The following SPATA13 variants were observed in gnomAD, a reference collection of about 807,000 sequenced individuals.
SPATA13 encodes spermatogenesis-associated protein 13.
A neutral mutation model predicts 104.0 loss-of-function variants in SPATA13; 50 were observed. That is an observed-to-expected ratio of 0.48 (90% confidence interval 0.38 to 0.61). The LOEUF is 0.61. Among genes scored for constraint, SPATA13 ranks in the 20% least tolerant of loss-of-function variants. SPATA13 has a pLI of 0.00. For missense variants in SPATA13, 1,524 were observed against 1,690.6 expected, an observed-to-expected ratio of 0.90 and a Z score of 1.73; for synonymous variants, 606 against 667.5, an observed-to-expected ratio of 0.91 and a Z score of 1.42.
Position 24,249,714 on chromosome 13 carries a change from C to T in SPATA13, c.1891C>T (p.Pro631Ser), listed in dbSNP as rs1252362231. 1.2e-6 allele frequency: 2 copies of T among 1,613,720 alleles called. No individual in the cohort carries two copies. Among genetic ancestry groups the T allele is most frequent in the Non-Finnish European group, 8.5e-7 (1 of 1,179,858 alleles). Residue 631 changes from proline (P) to serine (S), a missense_variant, in exon 3 of 13, where the codon CCT becomes TCT. By Grantham distance (74) the Pro-to-Ser change is moderately conservative. Coordinates refer to ENST00000382108, the MANE Select transcript of SPATA13 (RefSeq NM_001166271.3). ...CCAGGCAAGCATGACTTCTGCCAGC[C>T]CTGAAGACCAGAATGCTCCAGTGGG... is the stretch of plus-strand genomic sequence containing the variant. ...DPQASMTSAS[P>S]EDQNAPVGCP...
intron 1 of SPATA13, among the ~76,000 whole-genome samples, chr13:24,163,290 T>C (rs1882586777): frequency 6.6e-6 from 1 of 152,130 alleles, no homozygotes; most frequent in Admixed American, 6.5e-5. Context: ...TAGTCCAAGG[T>C]GCTCAGGAGG....
chr13:24,116,701 C>G (rs191661631), intron 3 of SPATA13, among the ~76,000 whole-genome samples: 4 of 152,044 alleles, frequency 2.6e-5, no homozygotes, highest in Admixed American at 2.0e-4. Flanking sequence ...ATCTCTGCAG[C>G]ATTAGGGGTT....
At chr13:24,264,362 G>C (rs1874196977) in intron 4 of SPATA13, among the ~76,000 whole-genome samples, 1 of 152,192 alleles carries the variant, frequency 6.6e-6, no homozygotes. Context: ...AGAGCCAGTA[G>C]CACTCTGTAC....
intron 2 of SPATA13, among the ~76,000 whole-genome samples, chr13:24,232,093 G>C (rs1362339609): frequency 6.6e-6 from 1 of 152,216 alleles, no homozygotes; most frequent in Admixed American, 6.5e-5. Flanking sequence ...GTGTGATTAA[G>C]GCCAAGTACC....
intron 2 of SPATA13, among the ~76,000 whole-genome samples, chr13:24,235,275 G>C (rs1233161920): frequency 6.6e-6 from 1 of 152,174 alleles, no homozygotes; most frequent in African/African-American, 2.4e-5. Context: ...CAGAAATTTG[G>C]ACTATCAGCA....
At chr13:24,101,156 C>G (rs1017557534) in intron 3 of SPATA13, among the ~76,000 whole-genome samples, 1 of 152,196 alleles carries the variant, frequency 6.6e-6, no homozygotes, top group South Asian at 2.1e-4. Flanking sequence ...CCTGATGGCC[C>G]TGGCCCCTGT....
At chr13:24,192,589 A>G (rs1039196898) in intron 1 of SPATA13, among the ~76,000 whole-genome samples, 2 of 152,152 alleles carry the variant, frequency 1.3e-5, no homozygotes, top group Admixed American at 1.3e-4. Flanking sequence ...CTGTTAGTAC[A>G]TATTTAATGT....
rs978079299 is a variant in SPATA13 at position 24,147,682 on chromosome 13, T to C, written c.-111-75137T>C. Among the ~76,000 whole-genome samples, 4 of 152,330 alleles carry C rather than the reference T, an allele frequency of 2.6e-5. No individual in the cohort carries two copies. The South Asian group carries it at 6.2e-4, about 24-fold the overall frequency. ...AGTCTATTAAGTACATTTATATTGC[T>C]GTGCAACCAACACCACCATCCATCT... is the stretch of plus-strand genomic sequence containing the variant. On this transcript the variant is annotated intron_variant, in intron 3 of 14. Transcript: ENST00000424834.
At chr13:24,174,565 CTTTAT>C (rs527640706) in intron 1 of SPATA13, among the ~76,000 whole-genome samples, 410 of 151,874 alleles carry the variant, frequency 2.7e-3, no homozygotes, top group Non-Finnish European at 4.8e-3. Flanking sequence ...AAAAATTTCC[CTTTAT>C]TTTATTTTTT....
intron 3 of SPATA13, among the ~76,000 whole-genome samples, chr13:24,250,298 A>T (rs1294046775): frequency 6.7e-6 from 1 of 149,904 alleles, no homozygotes; most frequent in Non-Finnish European, 1.5e-5. Context: ...CCATTTTCTT[A>T]TTTTTTTTTT....
intron 1 of SPATA13, among the ~76,000 whole-genome samples, chr13:24,217,139 A>G (rs375385282): frequency 2.0e-5 from 3 of 152,336 alleles, no homozygotes; most frequent in South Asian, 2.1e-4. Context: ...TGTACCTGTT[A>G]TCCCAGCTAC....
intron 1 of SPATA13, among the ~76,000 whole-genome samples, chr13:24,162,185 C>G (rs1264889701): frequency 1.3e-5 from 2 of 152,236 alleles, no homozygotes; most frequent in Admixed American, 1.3e-4. Flanking sequence ...CCACGTTTGC[C>G]ATCTGCCTCC....
chr13:24,281,694 C>T (rs1303889232), intron 4 of SPATA13, among the ~76,000 whole-genome samples: 6 of 151,396 alleles, frequency 4.0e-5, no homozygotes, highest in Non-Finnish European at 8.9e-5. Context: ...AGCCAGAGCC[C>T]ATGAGCAGAC....
rs1157436106 is a variant in SPATA13 at position 24,286,156 on chromosome 13, C to T, written c.2302-58C>T. On this transcript the variant is annotated intron_variant, in intron 5 of 12. Coordinates refer to ENST00000382108, the MANE Select transcript of SPATA13 (RefSeq NM_001166271.3). This position sits in a 1 kb window ranked among gnomAD's most constrained non-coding sequence, Gnocchi z 4.9. ...CCTGAGAGAGTGCACCTAGTGGCTC[C>T]CTCACCATCCCGCCCACTCGTGCTC... is the stretch of plus-strand genomic sequence containing the variant. 6.7e-7 allele frequency: 1 copy of T among 1,503,630 alleles called. No homozygotes were observed. The highest frequency in any genetic ancestry group is 9.0e-7 in the Non-Finnish European group (1 of 1,112,630). The allele number at this position is 1,503,630 out of a possible 1,614,324, so 93.1% of individuals were successfully genotyped here.
intron 10 of SPATA13, 86 bp downstream of exon 10, chr13:24,294,954 G>C: frequency 7.2e-7 from 1 of 1,380,680 alleles, no homozygotes; most frequent in Non-Finnish European, 9.9e-7. Context: ...AATATCCTGT[G>C]GTCAATATCT....
At chr13:24,150,551 A>ATT (rs550741459) in intron 3 of SPATA13, among the ~76,000 whole-genome samples, 1 of 149,486 alleles carries the variant, frequency 6.7e-6, no homozygotes, top group Non-Finnish European at 1.5e-5. Flanking sequence ...ATATTGATTG[A>ATT]TTTTTTTTTT....
At chr13:24,048,681 T>TA (rs5802262) in intron 3 of SPATA13, among the ~76,000 whole-genome samples, 70,748 of 151,538 alleles carry the variant, frequency 0.47, 18,785 homozygotes, top group East Asian at 0.75. Flanking sequence ...TGATCAAAAT[T>TA]AAAAAAAAGA....
At chr13:24,208,827 C>T (rs1870855828) in intron 1 of SPATA13, among the ~76,000 whole-genome samples, 1 of 152,172 alleles carries the variant, frequency 6.6e-6, no homozygotes, top group Non-Finnish European at 1.5e-5. Flanking sequence ...GAAATTACCG[C>T]ACTTGGTTTA....
intron 3 of SPATA13, among the ~76,000 whole-genome samples, chr13:24,133,963 AGGGGGCTGGGTCG>A (rs1881471641): frequency 2.0e-5 from 3 of 152,124 alleles, no homozygotes; most frequent in Admixed American, 6.5e-5. Context: ...CTGTCTGAGG[AGGGGGCTGGGTCG>A]AGCCCCTGGG....
Sources: allele counts gnomAD v4.1 joint callset (sites outside exome capture counted in the v4.1 genomes callset), GRCh38; gene constraint gnomAD v4.1.1; non-coding constraint Gnocchi (gnomAD v3.1); transcripts MANE v1.5; gene names NCBI Gene and HGNC (gene_info 2026-07-23, HGNC 2026-07-21).